The following ZDHHC23 variants were observed in gnomAD, a reference collection of about 807,000 sequenced individuals.
ZDHHC23 encodes the protein zDHHC palmitoyltransferase 23, also known as palmitoyltransferase ZDHHC23.
Under a neutral mutation model 40.2 loss-of-function variants are expected in ZDHHC23, and 41 were observed. The observed-to-expected ratio is 1.02, with a 90% CI of 0.79 to 1.32. The LOEUF (loss-of-function observed/expected upper bound fraction) is 1.32, where lower values mean the gene tolerates loss of function less well. Among genes scored for constraint, ZDHHC23 ranks in the 40% most tolerant of loss-of-function variants. The pLI, the probability that ZDHHC23 is intolerant of heterozygous loss-of-function variation, is 0.00. For synonymous variants in ZDHHC23, 204 were observed against 210.2 expected (o/e 0.97, Z 0.26); for missense variants, 471 against 541.5 (o/e 0.87, Z 1.29).
rs148556500 is a variant in ZDHHC23, at chr3:113,958,742, C to G, written c.*112C>G. ...CAGTTTCTTAAAGGCATTATAGGGC[C>G]ATGCTCAGGTTTAGAGACTGGAGTG... On this transcript the variant is annotated 3_prime_UTR_variant, in exon 5 of 5. Coordinates refer to ENST00000638807, the MANE Select transcript of ZDHHC23 (RefSeq NM_001320466.2). 1.1e-4 allele frequency: 179 copies of G among 1,581,614 alleles called. No individual in the cohort carries two copies. In the African/African-American group the frequency reaches 1.8e-3, roughly 16 times the overall value.
Position 113,959,474 on chromosome 3 carries a change from A to G in ZDHHC23, c.*844A>G. 7.9e-7 allele frequency: 1 copy of G among 1,262,416 alleles called. No individual in the cohort carries two copies. The highest frequency in any genetic ancestry group is 1.0e-6 in the Non-Finnish European group (1 of 967,558). The allele number at this position is 1,262,416 out of a possible 1,614,324, so 78.2% of individuals were successfully genotyped here. A position where few individuals can be genotyped will look rare whatever the true frequency, so the allele number is the denominator to read the frequency against. ...ATTCTGCTTGGGTTTCTTATAAATA[A>G]CTCCAACAGGCATTCATGTGTTTTT... On this transcript the variant is annotated 3_prime_UTR_variant, in exon 5 of 5. Coordinates refer to ENST00000638807, the MANE Select transcript of ZDHHC23 (RefSeq NM_001320466.2).
chr3:113,968,254 C>G (rs74675483), downstream of ZDHHC23, among the ~76,000 whole-genome samples: 1,030 of 152,278 alleles, frequency 6.8e-3, 13 homozygotes, highest in African/African-American at 0.02. Context: ...CCCACCAACA[C>G]TGTGTGAGGG....
downstream of ZDHHC23, chr3:113,965,437 TA>T: frequency 2.7e-6 from 2 of 730,778 alleles, no homozygotes; most frequent in Non-Finnish European, 2.2e-6. Flanking sequence ...AAGAACTTTA[TA>T]AAAATAATTC....
downstream of ZDHHC23, among the ~76,000 whole-genome samples, chr3:113,969,123 C>T (rs547903849): frequency 1.3e-5 from 2 of 152,170 alleles, no homozygotes; most frequent in South Asian, 4.1e-4. Context: ...AGAATGCACT[C>T]ATTTACAGAG....
chr3:113,958,545 A>G lies in ZDHHC23; in HGVS notation c.1223A>G (p.Tyr408Cys). ...GGGCTCATCGTGGACACAGGCCAGT[A>G]CAATAGGGGCTTCCTGCGGAACTGG... ...LCGLIVDTGQ[Y>C]NRGFLRNWHQ... Residue 408 changes from tyrosine (Y) to cysteine (C), a missense_variant, in exon 5 of 5, where the codon TAC (tyrosine) becomes TGC (cysteine). Physicochemically the swap from Tyr to Cys is radical, Grantham distance 194. Around this residue, in one of 3 missense-constraint regions of ZDHHC23, gnomAD observed 346 missense variants for 399.8 expected, o/e 0.87. Coordinates refer to ENST00000638807, the MANE Select transcript of ZDHHC23 (RefSeq NM_001320466.2). The G allele has an allele frequency of 6.2e-7, 1 of 1,612,888 alleles. No individual in the cohort carries two copies.
At chr3:113,957,931 A>AG (rs1299182043) in intron 4 of ZDHHC23, 3 of 450,484 alleles carry the variant, frequency 6.7e-6, no homozygotes, top group Non-Finnish European at 1.3e-5. Flanking sequence ...AATGGAGATT[A>AG]GTAACTTTAG....
At position 113,958,844 on chromosome 3, in the gene ZDHHC23, C is replaced by T. The variant is rs549098282; in HGVS notation, c.*214C>T. The T allele has an allele frequency of 4.3e-5, 59 of 1,377,028 alleles. No homozygotes were observed. In the African/African-American group the frequency reaches 8.2e-4, roughly 19 times the overall value. The allele number at this position is 1,377,028 out of a possible 1,614,324, so 85.3% of individuals were successfully genotyped here. The stretch of plus-strand genomic sequence containing the variant: ...GCAGTAAAAGTAGAGCCATTCCTTT[C>T]CAGTCACCTTTTTAATTGACTCAGT... On this transcript the variant is annotated 3_prime_UTR_variant, in exon 5 of 5. Coordinates refer to ENST00000638807, the MANE Select transcript of ZDHHC23 (RefSeq NM_001320466.2).
rs756652610 is a variant in ZDHHC23, at chr3:113,954,275, C to T, written c.737C>T (p.Ser246Phe). The change falls in exon 3 of 5, where the codon TCC (serine) becomes TTC (phenylalanine). Residue 246 changes from serine (S) to phenylalanine (F), a missense_variant. Around this residue, in one of 3 missense-constraint regions of ZDHHC23, gnomAD observed 346 missense variants for 399.8 expected, o/e 0.87. Coordinates refer to ENST00000638807, the MANE Select transcript of ZDHHC23 (RefSeq NM_001320466.2). ...ACAAAGGATGACCCCAAGGGCTCTT[C>T]CAAGATGCCAGCTGGAAGCCCCACC... ...RTTKDDPKGS[S>F]KMPAGSPTKA... 2 of 1,614,168 alleles carry T rather than the reference C, an allele frequency of 1.2e-6. No individual in the cohort carries two copies. The highest frequency in any genetic ancestry group is 2.2e-5 in the East Asian group (1 of 44,874).
the ZDHHC23 span, among the ~76,000 whole-genome samples, chr3:113,974,062 G>A: frequency 6.6e-6 from 1 of 151,660 alleles, no homozygotes. Context: ...CCATTTGGCT[G>A]TTGAAAACAT....
chr3:113,978,983 G>T, the ZDHHC23 span: 34 of 1,613,790 alleles, frequency 2.1e-5, no homozygotes, highest in Non-Finnish European at 2.6e-5. Flanking sequence ...TTCCTCTGCA[G>T]GAACAAAGAG....
intron 4 of ZDHHC23, 37 bp downstream of exon 4, chr3:113,956,543 G>A: frequency 1.3e-6 from 2 of 1,574,322 alleles, no homozygotes. Context: ...GGCCCCCTGG[G>A]AAGTAATGGG....
chr3:113,967,472 T>A (rs922397533), downstream of ZDHHC23, among the ~76,000 whole-genome samples: 8 of 152,128 alleles, frequency 5.3e-5, no homozygotes, highest in African/African-American at 1.9e-4. Context: ...GTTTGGCACT[T>A]ATTTATAGCC....
In ZDHHC23 at chr3:113,960,630, T is replaced by G. The variant is rs530249155; in HGVS notation, c.*2000T>G. 6.3e-7 allele frequency: 1 copy of G among 1,584,598 alleles called. No homozygotes were observed. Among genetic ancestry groups the G allele is most frequent in the Non-Finnish European group, 8.5e-7 (1 of 1,170,842 alleles). On this transcript the variant is annotated 3_prime_UTR_variant, in exon 5 of 5. Transcript: ENST00000638807. Reference sequence around the variant, plus strand: ...TTCACAACATCTAAATGTAATGTGATGTGATGAAGATAAGTAGTACAAAGA... The same window carrying G: ...TTCACAACATCTAAATGTAATGTGAGGTGATGAAGATAAGTAGTACAAAGA...
chr3:113,959,788 T>C lies in ZDHHC23; in HGVS notation c.*1158T>C. ...TAATTCTCAATTACCCCTCCCTAAA[T>C]AACAGTATCTCACTAAGAGAGAAGA... On this transcript the variant is annotated 3_prime_UTR_variant, in exon 5 of 5. Coordinates refer to ENST00000638807, the MANE Select transcript of ZDHHC23 (RefSeq NM_001320466.2). 9.4e-7 allele frequency: 1 copy of C among 1,065,332 alleles called. No individual in the cohort carries two copies. The highest frequency in any genetic ancestry group is 1.2e-6 in the Non-Finnish European group (1 of 867,694). 66.0% of individuals were successfully genotyped at this position (1,065,332 alleles called of 1,614,324 possible).
intron 3 of ZDHHC23, among the ~76,000 whole-genome samples, chr3:113,955,393 C>CGT (rs991992209): frequency 1.7e-4 from 21 of 124,696 alleles, no homozygotes; most frequent in African/African-American, 7.6e-4. Flanking sequence ...TGTGTGTGTG[C>CGT]GTGTGTGTTC....
intron 4 of ZDHHC23, 112 bp downstream of exon 4, chr3:113,956,618 T>C (rs1453165278): frequency 8.7e-7 from 1 of 1,143,294 alleles, no homozygotes; most frequent in Non-Finnish European, 1.2e-6. Flanking sequence ...TAGGCCAGGC[T>C]ATGGAAATGC....
chr3:113,971,527 C>T, the ZDHHC23 span, among the ~76,000 whole-genome samples: 1 of 152,156 alleles, frequency 6.6e-6, no homozygotes, highest in Admixed American at 6.5e-5. Flanking sequence ...TGGGATAAAT[C>T]CCACTTGATC....
rs1208044016 is a variant in ZDHHC23, at chr3:113,962,349, G to A, written c.*3719G>A. On this transcript the variant is annotated 3_prime_UTR_variant, in exon 5 of 5. Transcript: ENST00000638807. ...CTGGCACTAAGTGTTTTCATTGTAGGATCAGCAGCAGGTTAAAGACTGAAC... is the reference window on the plus strand; with the variant it reads ...CTGGCACTAAGTGTTTTCATTGTAGAATCAGCAGCAGGTTAAAGACTGAAC... The A allele has an allele frequency of 6.6e-6, 1 of 152,180 alleles. No homozygotes were observed. Among genetic ancestry groups the A allele is most frequent in the Admixed American group, 6.5e-5 (1 of 15,272 alleles). The allele number at this position is 152,180 out of a possible 1,614,324, so 9.4% of individuals were successfully genotyped here.
rs1238850584 is a variant in ZDHHC23, at chr3:113,948,854, C to T, written c.52C>T (p.Pro18Ser). Residue 18 changes from proline (P) to serine (S), a missense_variant, in exon 2 of 5, where the codon CCT becomes TCT. This residue lies in a region of ZDHHC23 where 83 missense variants were observed against 67.8 expected (regional missense o/e 1.22). Transcript: ENST00000638807. Reference protein sequence around the residue: ...KPVKKKKTEEPELEPLCCCEY... With the variant: ...KPVKKKKTEESELEPLCCCEY... Reference sequence around the variant, plus strand: ...TGTGAAGAAAAAGAAAACCGAAGAACCTGAATTGGAGCCCCTGTGCTGCTG... The same window carrying T: ...TGTGAAGAAAAAGAAAACCGAAGAATCTGAATTGGAGCCCCTGTGCTGCTG... 4 of 1,613,986 alleles carry T rather than the reference C, an allele frequency of 2.5e-6. No individual in the cohort carries two copies. The highest frequency in any genetic ancestry group is 3.4e-6 in the Non-Finnish European group (4 of 1,180,028).
Sources: gnomAD v4.1 joint callset for allele counts (sites outside exome capture counted in the v4.1 genomes callset) on GRCh38, gnomAD v4.1.1 for gene constraint, gnomAD v4.1.1 regional missense constraint, MANE v1.5 for transcripts, NCBI Gene and HGNC (gene_info 2026-07-23, HGNC 2026-07-21) for gene names.